FERRY3: variants seen among roughly 807,000 people sequenced by gnomAD.
FERRY3 encodes protein C12orf4.
the FERRY3 span, among the ~76,000 whole-genome samples, chr12:4,526,725 C>T: frequency 2.0e-5 from 3 of 151,784 alleles, no homozygotes; most frequent in African/African-American, 7.3e-5. Flanking sequence ...GCCTGTAATC[C>T]CAGCTACTTG....
At chr12:4,525,242 C>G in the FERRY3 span, 6 of 1,611,800 alleles carry the variant, frequency 3.7e-6, no homozygotes, top group Non-Finnish European at 5.1e-6. Flanking sequence ...AAGAACAATA[C>G]ATAGTTAATA....
the FERRY3 span, among the ~76,000 whole-genome samples, chr12:4,517,722 G>C: frequency 6.0e-5 from 9 of 149,056 alleles, no homozygotes; most frequent in African/African-American, 2.2e-4. Flanking sequence ...GAGAGAGAGA[G>C]AGAGAGAGAG....
chr12:4,493,066 G>C, the FERRY3 span, among the ~76,000 whole-genome samples: 1 of 151,878 alleles, frequency 6.6e-6, no homozygotes, highest in South Asian at 2.1e-4. Flanking sequence ...TATTGAACCT[G>C]ATCTTCATTT....
At chr12:4,534,497 G>C in the FERRY3 span, among the ~76,000 whole-genome samples, 1 of 152,048 alleles carries the variant, frequency 6.6e-6, no homozygotes, top group African/African-American at 2.4e-5. Context: ...CTGAATTCCC[G>C]GACTCCAGTG....
chr12:4,499,463 A>G, the FERRY3 span, among the ~76,000 whole-genome samples: 1 of 152,184 alleles, frequency 6.6e-6, no homozygotes, highest in East Asian at 1.9e-4. Context: ...TTTAGTCTTT[A>G]TATTATTTCT....
chr12:4,525,001 T>C, the FERRY3 span: 2 of 313,582 alleles, frequency 6.4e-6, no homozygotes, highest in East Asian at 5.6e-5. Flanking sequence ...AAAGATAGTA[T>C]TTAAGTATTT....
chr12:4,508,377 G>A, the FERRY3 span, among the ~76,000 whole-genome samples: 1 of 152,178 alleles, frequency 6.6e-6, no homozygotes, highest in Non-Finnish European at 1.5e-5. Flanking sequence ...CAGATTTAAA[G>A]GTACAAACAG....
the FERRY3 span, chr12:4,529,733 A>G: frequency 2.8e-6 from 2 of 718,602 alleles, no homozygotes; most frequent in Non-Finnish European, 4.3e-6. Flanking sequence ...TTAAACATAC[A>G]AGAAAATTAA....
chr12:4,521,488 G>A, the FERRY3 span, among the ~76,000 whole-genome samples: 4 of 152,114 alleles, frequency 2.6e-5, no homozygotes, highest in Non-Finnish European at 4.4e-5. Flanking sequence ...ATATTGGGAC[G>A]AAAAGAAAGG....
the FERRY3 span, chr12:4,505,417 A>C: frequency 2.2e-3 from 3,070 of 1,380,996 alleles, 58 homozygotes; most frequent in African/African-American, 0.039. Flanking sequence ...AGAACATAAC[A>C]ACATATGAGA....
At chr12:4,512,589 C>G in the FERRY3 span, among the ~76,000 whole-genome samples, 3 of 151,386 alleles carry the variant, frequency 2.0e-5, no homozygotes, top group Non-Finnish European at 4.4e-5. Flanking sequence ...ATTCAATATA[C>G]GCAAATCAAT....
the FERRY3 span, chr12:4,535,994 T>TC: frequency 2.7e-6 from 4 of 1,502,644 alleles, no homozygotes; most frequent in South Asian, 5.3e-5. The surrounding 1 kb of genome is among the most constrained non-coding windows in gnomAD (Gnocchi z 4.0). Context: ...GTGGTGTTAC[T>TC]TAAAAAAAAA....
chr12:4,498,387 A>G, the FERRY3 span, among the ~76,000 whole-genome samples: 2 of 152,234 alleles, frequency 1.3e-5, no homozygotes, highest in Admixed American at 1.3e-4. Flanking sequence ...CAATAGCTAA[A>G]AATTCCTGAT....
At chr12:4,495,792 G>A in the FERRY3 span, among the ~76,000 whole-genome samples, 5,511 of 152,188 alleles carry the variant, frequency 0.036, 332 homozygotes, top group African/African-American at 0.12. Context: ...GCATGGTCTA[G>A]AGCAAGTATT....
At chr12:4,491,946 A>T in the FERRY3 span, among the ~76,000 whole-genome samples, 1 of 152,194 alleles carries the variant, frequency 6.6e-6, no homozygotes, top group Non-Finnish European at 1.5e-5. Context: ...CTGGTGCAAC[A>T]GTGCACATTT....
chr12:4,495,756 TG>T, the FERRY3 span, among the ~76,000 whole-genome samples: 1 of 152,320 alleles, frequency 6.6e-6, no homozygotes, highest in African/African-American at 2.4e-5. Flanking sequence ...CCTGCTTTCT[TG>T]CTTTGTGTAT....
At chr12:4,490,897 T>G in the FERRY3 span, among the ~76,000 whole-genome samples, 1 of 152,218 alleles carries the variant, frequency 6.6e-6, no homozygotes, top group African/African-American at 2.4e-5. Context: ...TGGCTCTATT[T>G]TTTTTCTTTT....
the FERRY3 span, among the ~76,000 whole-genome samples, chr12:4,509,567 C>A: frequency 6.7e-6 from 1 of 148,644 alleles, no homozygotes; most frequent in Admixed American, 6.6e-5. Flanking sequence ...GGGCAGACTG[C>A]CTCCTCAAGT....
chr12:4,500,130 C>T, the FERRY3 span: 4 of 1,604,436 alleles, frequency 2.5e-6, no homozygotes, highest in African/African-American at 2.7e-5. Flanking sequence ...ATTTTTCTAT[C>T]TGCTTACCTC....
Sources: allele counts gnomAD v4.1 joint callset (sites outside exome capture counted in the v4.1 genomes callset), GRCh38; gene constraint gnomAD v4.1.1; non-coding constraint Gnocchi (gnomAD v3.1); transcripts MANE v1.5; gene names NCBI Gene and HGNC (gene_info 2026-07-23, HGNC 2026-07-21).